Variants in SLC2A13 observed in about 807,000 individuals in gnomAD.
SLC2A13 encodes the protein proton myo-inositol cotransporter.
In SLC2A13, 32 loss-of-function variants were observed where a neutral mutation model predicts 64.4. That is an observed-to-expected ratio of 0.50 (90% confidence interval 0.37 to 0.67). The LOEUF (loss-of-function observed/expected upper bound fraction) is 0.67, where lower values mean the gene tolerates loss of function less well. Among genes scored for constraint, SLC2A13 ranks in the 30% least tolerant of loss-of-function variants. SLC2A13 has a pLI of 0.00. For synonymous variants in SLC2A13, 338 were observed against 327.1 expected (o/e 1.03, Z -0.36); for missense variants, 743 against 829.2 (o/e 0.90, Z 1.28).
intron 7 of SLC2A13, among the ~76,000 whole-genome samples, chr12:39,812,906 T>G (rs1464684991): frequency 6.8e-6 from 1 of 147,122 alleles, no homozygotes. Flanking sequence ...GTGATCTCCC[T>G]GCAACCTCTG....
In SLC2A13 at chr12:39,944,904, GT is replaced by G. The variant is rs375025502; in HGVS notation, c.1034+6352del. Among the ~76,000 whole-genome samples the G allele has an allele frequency of 2.5e-4, 38 of 152,144 alleles. 1 individual carries two copies. In the East Asian group the frequency reaches 7.1e-3, roughly 29 times the overall value. ...TGCTCTTTCTTGCCTGGGTACTTTG[GT>G]TTTTGTTTTCTGTTTTTTCTTTTTA... is the stretch of plus-strand genomic sequence containing the variant. On this transcript the variant is annotated intron_variant, in intron 4 of 9. Transcript: ENST00000280871.
intron 6 of SLC2A13, among the ~76,000 whole-genome samples, chr12:39,862,654 T>A (rs911737174): frequency 2.0e-5 from 3 of 152,222 alleles, no homozygotes; most frequent in Non-Finnish European, 4.4e-5. Flanking sequence ...TAAGGTATTA[T>A]GTGATTCTTT....
At chr12:40,043,990 G>C (rs1592034180) in intron 2 of SLC2A13, among the ~76,000 whole-genome samples, 1 of 152,130 alleles carries the variant, frequency 6.6e-6, no homozygotes, top group East Asian at 1.9e-4. Flanking sequence ...TCCACAGATA[G>C]GTGTATATCC....
At chr12:39,825,627 A>G (rs1042619402) in intron 7 of SLC2A13, among the ~76,000 whole-genome samples, 2 of 152,188 alleles carry the variant, frequency 1.3e-5, no homozygotes, top group Non-Finnish European at 2.9e-5. Flanking sequence ...GGTTCATAGT[A>G]TTCTCTTATG....
chr12:39,905,364 C>T lies in SLC2A13; in HGVS notation c.1035-33403G>A, dbSNP rs147375816. Among the ~76,000 whole-genome samples, 3 of 152,164 alleles carry T rather than the reference C, an allele frequency of 2.0e-5. No individual in the cohort carries two copies. The East Asian group carries it at 5.8e-4, about 29-fold the overall frequency. ...TACTGCTCATCCAAGCTGCACAGTG[C>T]GCTGTGGGCCTGGCAACCTTCCTCT... is the stretch of plus-strand genomic sequence containing the variant. On this transcript the variant is annotated intron_variant, in intron 4 of 9. Coordinates refer to ENST00000280871, the MANE Select transcript of SLC2A13 (RefSeq NM_052885.4).
intron 1 of SLC2A13, among the ~76,000 whole-genome samples, chr12:40,084,550 G>A (rs996984506): frequency 2.6e-5 from 4 of 152,210 alleles, no homozygotes; most frequent in African/African-American, 4.8e-5. Context: ...GTCCAGGACT[G>A]AGCACCAAAT....
intron 3 of SLC2A13, among the ~76,000 whole-genome samples, chr12:39,954,396 G>A (rs1005482866): frequency 7.9e-5 from 12 of 152,108 alleles, no homozygotes; most frequent in Non-Finnish European, 4.4e-5. Flanking sequence ...TTTCCCTTGA[G>A]TATTCAGTTG....
At chr12:40,038,983 T>A (rs1948037105) in intron 2 of SLC2A13, among the ~76,000 whole-genome samples, 1 of 152,168 alleles carries the variant, frequency 6.6e-6, no homozygotes, top group African/African-American at 2.4e-5. Flanking sequence ...CCCATTTTTT[T>A]ATTGTGGTAA....
chr12:39,818,113 C>T (rs1942390986), intron 7 of SLC2A13, among the ~76,000 whole-genome samples: 2 of 152,222 alleles, frequency 1.3e-5, no homozygotes, highest in Non-Finnish European at 2.9e-5. Flanking sequence ...GGCCACTCCT[C>T]TGACTCAAGT....
chr12:39,999,557 C>T (rs1947290660), intron 3 of SLC2A13, among the ~76,000 whole-genome samples: 1 of 152,102 alleles, frequency 6.6e-6, no homozygotes. Context: ...AAAAAACCTG[C>T]CCTGGTAAAT....
intron 3 of SLC2A13, among the ~76,000 whole-genome samples, chr12:39,997,700 G>A (rs1409847159): frequency 5.3e-5 from 8 of 152,108 alleles, no homozygotes; most frequent in East Asian, 1.9e-4. Flanking sequence ...GCATGGTGGC[G>A]GGTGCTTGTA....
At chr12:40,016,057 G>GC (rs1438896658) in intron 3 of SLC2A13, among the ~76,000 whole-genome samples, 2 of 152,096 alleles carry the variant, frequency 1.3e-5, no homozygotes, top group Non-Finnish European at 2.9e-5. Flanking sequence ...TTCAAACTTT[G>GC]CTCTTTAACA....
At chr12:39,977,542 A>G (rs1946786025) in intron 3 of SLC2A13, among the ~76,000 whole-genome samples, 1 of 152,258 alleles carries the variant, frequency 6.6e-6, no homozygotes, top group Non-Finnish European at 1.5e-5. Flanking sequence ...CTGAAAAAAC[A>G]CATCAGAATT....
At chr12:39,978,582 G>A (rs1020617379) in intron 3 of SLC2A13, among the ~76,000 whole-genome samples, 1 of 152,146 alleles carries the variant, frequency 6.6e-6, no homozygotes, top group Admixed American at 6.5e-5. Context: ...GGAAAATCGG[G>A]TCACTCCCAC....
intron 3 of SLC2A13, among the ~76,000 whole-genome samples, chr12:39,998,891 G>T (rs936636036): frequency 1.3e-5 from 2 of 152,136 alleles, no homozygotes; most frequent in African/African-American, 2.4e-5. Flanking sequence ...ACATGTTGTA[G>T]GAGAGACCTG....
At chr12:39,859,319 T>TG (rs1943692900) in intron 6 of SLC2A13, among the ~76,000 whole-genome samples, 1 of 125,154 alleles carries the variant, frequency 8.0e-6, no homozygotes, top group Non-Finnish European at 1.6e-5. Context: ...GCTGGCAGTT[T>TG]TTTTTTTTTT....
At chr12:40,104,001 G>A (rs1464159306) in intron 1 of SLC2A13, among the ~76,000 whole-genome samples, 1 of 152,150 alleles carries the variant, frequency 6.6e-6, no homozygotes, top group Non-Finnish European at 1.5e-5. Flanking sequence ...AGTGAGCTGG[G>A]TTTTAGGCTC....
At chr12:40,027,590 T>C (rs1335014597) in intron 3 of SLC2A13, among the ~76,000 whole-genome samples, 1 of 152,218 alleles carries the variant, frequency 6.6e-6, no homozygotes, top group African/African-American at 2.4e-5. Context: ...GTGTGTGTGC[T>C]TGGCATTTTC....
chr12:39,952,945 A>G (rs1946255230), intron 3 of SLC2A13, among the ~76,000 whole-genome samples: 2 of 152,146 alleles, frequency 1.3e-5, no homozygotes, highest in East Asian at 1.9e-4. Context: ...TCCTTTAATC[A>G]AAACTTTCAA....
Sources: allele counts gnomAD v4.1 joint callset (sites outside exome capture counted in the v4.1 genomes callset), GRCh38; gene constraint gnomAD v4.1.1; transcripts MANE v1.5; gene names NCBI Gene and HGNC (gene_info 2026-07-23, HGNC 2026-07-21).